Variants in COL12A1 observed in about 807,000 individuals in gnomAD.
COL12A1 encodes collagen alpha-1(XII) chain.
COL12A1 carries 114 observed loss-of-function variants against 349.7 expected under a neutral mutation model. That is an observed-to-expected ratio of 0.33 (90% CI 0.28 to 0.38). The LOEUF (loss-of-function observed/expected upper bound fraction) is 0.38. COL12A1 is among the 10% of genes least tolerant of loss of function. The probability of loss-of-function intolerance (pLI) is 1.00; values close to 1 mark genes in which losing one functional copy is unlikely to be tolerated. For missense variants in COL12A1, 3,284 were observed against 3,756.9 expected (o/e 0.87, Z 3.29); for synonymous variants, 1,369 against 1,329.0 (o/e 1.03, Z -0.66).
At chr6:75,115,681 C>A in intron 49 of COL12A1, 103 bp downstream of exon 49, 1 of 1,408,134 alleles carries the variant, frequency 7.1e-7, no homozygotes, top group Admixed American at 2.3e-5. Context: ...CATAAGCAGT[C>A]TTCTGACAAT....
In COL12A1 at chr6:75,087,647, G is replaced by A. The variant is rs1384015692; in HGVS notation, c.9111C>T (p.Pro3037=). 1 of 1,611,968 alleles carries A rather than the reference G, an allele frequency of 6.2e-7. No homozygotes were observed. Among genetic ancestry groups the A allele is most frequent in the Non-Finnish European group, 8.5e-7 (1 of 1,179,172 alleles). ...AATCACAGTATCCAGGAGGACCTGG[G>A]GGTCCTCGGATACCTGAGTTTCCAG... ...GRPGNSGIRG[P]PGPPGYCDSS... is the part of the protein sequence containing the mutation. Residue 3037 remains proline (P), a synonymous_variant, in exon 65 of 66, where the codon CCC becomes CCT. Transcript: ENST00000322507.
At chr6:75,113,064 A>T in intron 51 of COL12A1, 140 bp downstream of exon 51, 1 of 465,996 alleles carries the variant, frequency 2.1e-6, no homozygotes, top group Non-Finnish European at 3.7e-6. Flanking sequence ...TATTTGAATT[A>T]ACCAAATTCT....
intron 13 of COL12A1, among the ~76,000 whole-genome samples, chr6:75,168,797 C>G (rs1215746720): frequency 6.6e-6 from 1 of 152,156 alleles, no homozygotes; most frequent in East Asian, 1.9e-4. Context: ...GAAGGAACCT[C>G]AAATCTGCTT....
intron 23 of COL12A1, 30 bp from the exon 24 acceptor site, chr6:75,146,274 C>T (rs1767190193): frequency 6.4e-7 from 1 of 1,556,320 alleles, no homozygotes; most frequent in Admixed American, 2.0e-5. Context: ...GACCATCAGT[C>T]TAGTTCCTTT....
chr6:75,185,970 G>T (rs1769593645), intron 8 of COL12A1, among the ~76,000 whole-genome samples: 1 of 152,120 alleles, frequency 6.6e-6, no homozygotes, highest in South Asian at 2.1e-4. Context: ...ATTAACTCAA[G>T]ATGGATTACA....
intron 23 of COL12A1, 47 bp downstream of exon 23, chr6:75,147,628 A>G (rs755476841): frequency 1.9e-6 from 3 of 1,542,558 alleles, no homozygotes; most frequent in South Asian, 2.5e-5. Context: ...ATCATGCTTT[A>G]TCTTGGAAAA....
chr6:75,094,865 A>C (rs1003898756), intron 60 of COL12A1, among the ~76,000 whole-genome samples: 2 of 152,226 alleles, frequency 1.3e-5, no homozygotes, highest in African/African-American at 4.8e-5. Flanking sequence ...GTCTTGGCTC[A>C]TAATCCCATT....
chr6:75,094,564 G>T (rs1286642445), intron 60 of COL12A1, among the ~76,000 whole-genome samples: 1 of 152,142 alleles, frequency 6.6e-6, no homozygotes, highest in Non-Finnish European at 1.5e-5. Context: ...CTGCATAAGA[G>T]AAAGTTAAAT....
At chr6:75,135,007 G>T in intron 31 of COL12A1, 152 bp from the exon 32 acceptor site, 1 of 649,108 alleles carries the variant, frequency 1.5e-6, no homozygotes. Flanking sequence ...ACACCTTGTG[G>T]TATAACTTCA....
intron 31 of COL12A1, among the ~76,000 whole-genome samples, chr6:75,135,324 G>T (rs1329049863): frequency 1.3e-5 from 2 of 152,078 alleles, no homozygotes; most frequent in Non-Finnish European, 2.9e-5. Flanking sequence ...ACAGTATAAA[G>T]CTCTTGGTGT....
chr6:75,107,167 C>T (rs1166086600), intron 52 of COL12A1, among the ~76,000 whole-genome samples: 1 of 152,002 alleles, frequency 6.6e-6, no homozygotes, highest in Admixed American at 6.6e-5. Flanking sequence ...GCTAGGACTA[C>T]AGGCGTGAGC....
At chr6:75,202,330 G>A (rs1770572865) in intron 2 of COL12A1, among the ~76,000 whole-genome samples, 2 of 152,238 alleles carry the variant, frequency 1.3e-5, no homozygotes, top group African/African-American at 2.4e-5. Flanking sequence ...CCAAGCGAGC[G>A]AGTGCGCCCG....
intron 13 of COL12A1, among the ~76,000 whole-genome samples, chr6:75,169,788 C>A (rs1385358559): frequency 1.3e-5 from 2 of 152,098 alleles, no homozygotes; most frequent in African/African-American, 4.8e-5. Context: ...TGACAATTTT[C>A]CCTTACACTT....
At chr6:75,100,124 C>A (rs546977320) in intron 58 of COL12A1, among the ~76,000 whole-genome samples, 1 of 152,164 alleles carries the variant, frequency 6.6e-6, no homozygotes, top group Non-Finnish European at 1.5e-5. Flanking sequence ...TGCCCTCATC[C>A]CAGGGTGGCC....
chr6:75,094,859 T>G (rs1767931615), intron 60 of COL12A1, among the ~76,000 whole-genome samples: 1 of 152,208 alleles, frequency 6.6e-6, no homozygotes, highest in Non-Finnish European at 1.5e-5. Context: ...ATATGTGTCT[T>G]GGCTCATAAT....
intron 5 of COL12A1, among the ~76,000 whole-genome samples, chr6:75,190,753 T>C (rs1393614734): frequency 1.3e-5 from 2 of 151,910 alleles, no homozygotes; most frequent in Non-Finnish European, 2.9e-5. Flanking sequence ...GAGAGGGTGC[T>C]GAAAAATTTT....
intron 14 of COL12A1, among the ~76,000 whole-genome samples, chr6:75,158,842 AT>A (rs1054126063): frequency 2.1e-3 from 316 of 152,158 alleles, no homozygotes; most frequent in Middle Eastern, 0.014. Context: ...GAAAGAAAAA[AT>A]TTTTTTAATG....
intron 12 of COL12A1, among the ~76,000 whole-genome samples, chr6:75,176,328 G>A (rs545967394): frequency 1.1e-4 from 17 of 150,328 alleles, no homozygotes; most frequent in Non-Finnish European, 1.9e-4. Flanking sequence ...AGTGGGAGGA[G>A]GGAGAGTGAT....
In COL12A1 at chr6:75,138,634, T is replaced by C. The variant is rs1198201202; in HGVS notation, c.5098-54A>G. 19 of 1,601,288 alleles carry C rather than the reference T, an allele frequency of 1.2e-5. No homozygotes were observed. In the East Asian group the frequency reaches 4.0e-4, roughly 34 times the overall value. On this transcript the variant is annotated intron_variant, in intron 28 of 65. Coordinates refer to ENST00000322507, the MANE Select transcript of COL12A1 (RefSeq NM_004370.6). ...ACGCAAAAGTAAGTCTCCACTTACA[T>C]CATACACACTCAATGGCAGTTTATT...
Sources: gnomAD v4.1 joint callset for allele counts (sites outside exome capture counted in the v4.1 genomes callset) on GRCh38, gnomAD v4.1.1 for gene constraint, MANE v1.5 for transcripts, NCBI Gene and HGNC (gene_info 2026-07-23, HGNC 2026-07-21) for gene names.